Variants in FARP1 observed in about 807,000 individuals in gnomAD.
FARP1 encodes FERM, ARHGEF and pleckstrin domain-containing protein 1.
Under a neutral mutation model 128.8 loss-of-function variants are expected in FARP1, and 52 were observed. The ratio of observed to expected loss-of-function variants is 0.40; its 90% CI spans 0.32 to 0.51. The LOEUF (loss-of-function observed/expected upper bound fraction) is 0.51. Among genes scored for constraint, FARP1 ranks in the 20% least tolerant of loss-of-function variants. FARP1 has a pLI of 0.45. For synonymous variants in FARP1, 580 were observed against 551.8 expected, an observed-to-expected ratio of 1.05 and a Z score of -0.72; for missense variants, 1,333 against 1,367.9, an observed-to-expected ratio of 0.97 and a Z score of 0.40.
intron 5 of FARP1, among the ~76,000 whole-genome samples, chr13:98,372,175 C>T (rs1467542322): frequency 2.6e-5 from 4 of 151,034 alleles, no homozygotes; most frequent in Admixed American, 1.3e-4. Context: ...CAACCTCCGC[C>T]TCGTAGGTTC....
At chr13:98,178,550 AT>A (rs1239981801) in intron 1 of FARP1, among the ~76,000 whole-genome samples, 1 of 152,206 alleles carries the variant, frequency 6.6e-6, no homozygotes, top group East Asian at 1.9e-4. Context: ...TTGTGAAATA[AT>A]TCATTTATAT....
At chr13:98,257,751 C>T (rs772538444) in intron 2 of FARP1, among the ~76,000 whole-genome samples, 4 of 151,908 alleles carry the variant, frequency 2.6e-5, no homozygotes, top group Admixed American at 1.3e-4. Context: ...GCCTGGATGA[C>T]GGAGCAAGAC....
intron 25 of FARP1, 70 bp downstream of exon 25, chr13:98,446,275 C>T: frequency 1.0e-6 from 1 of 1,003,406 alleles, no homozygotes; most frequent in East Asian, 2.4e-5. Context: ...GGGGGCCGCC[C>T]TCCTCTGGAA....
At chr13:98,297,550 C>G (rs1391985976) in intron 2 of FARP1, among the ~76,000 whole-genome samples, 1 of 152,096 alleles carries the variant, frequency 6.6e-6, no homozygotes, top group African/African-American at 2.4e-5. Flanking sequence ...ACTGTAGGTA[C>G]GATAATTTTA....
intron 1 of FARP1, among the ~76,000 whole-genome samples, chr13:98,165,710 G>GTTTTTTTTTTTTTT (rs71111927): frequency 1.1e-4 from 8 of 74,128 alleles, no homozygotes; most frequent in Non-Finnish European, 1.4e-4. Flanking sequence ...TCCAGAAGGG[G>GTTTTTTTTTTTTTT]TTTTTTTTTT....
chr13:98,163,569 C>T (rs1210431420), intron 1 of FARP1, among the ~76,000 whole-genome samples: 3 of 151,174 alleles, frequency 2.0e-5, no homozygotes, highest in Admixed American at 6.6e-5. Flanking sequence ...TGGGATCTCA[C>T]TCTGTCACCC....
intron 2 of FARP1, among the ~76,000 whole-genome samples, chr13:98,236,873 T>C (rs1204399453): frequency 6.6e-6 from 1 of 151,960 alleles, no homozygotes; most frequent in African/African-American, 2.4e-5. Context: ...ACGCCTGTAA[T>C]CCCAGCTACT....
In FARP1 at chr13:98,314,055, G is replaced by A. The variant is rs577089756; in HGVS notation, c.172-29707G>A. Among the ~76,000 whole-genome samples the A allele has an allele frequency of 2.0e-5, 3 of 152,318 alleles. No individual in the cohort carries two copies. In the East Asian group the frequency reaches 5.8e-4, roughly 29 times the overall value. ...GTAACACGGATTGAGCTGGGTCCAA[G>A]CTCAGGCATGTAGGGAGAAGAACGT... On this transcript the variant is annotated intron_variant, in intron 2 of 26. Transcript: ENST00000319562.
At chr13:98,258,118 G>T (rs1245363093) in intron 2 of FARP1, among the ~76,000 whole-genome samples, 5 of 151,866 alleles carry the variant, frequency 3.3e-5, no homozygotes, top group Admixed American at 3.3e-4. Context: ...AGGCACCCGC[G>T]ACCGTGCCCG....
chr13:98,313,984 C>G (rs1368138411), intron 2 of FARP1, among the ~76,000 whole-genome samples: 1 of 152,188 alleles, frequency 6.6e-6, no homozygotes, highest in African/African-American at 2.4e-5. Context: ...GCTCACTCAC[C>G]GTTTGGCAGG....
chr13:98,204,859 G>T lies in FARP1; in HGVS notation c.-23-8361G>T, dbSNP rs1282879818. 3.3e-5 allele frequency among the ~76,000 whole-genome samples: 5 copies of T among 152,190 alleles called. 1 individual carries two copies. In the South Asian group the frequency reaches 1.0e-3, roughly 32 times the overall value. On this transcript the variant is annotated intron_variant, in intron 1 of 26. Transcript: ENST00000319562. ...GCTACTTGGGAGGCTGAGGCAGGAGGATCGCTTGAGCCCAGGAGCTCGAGG... is the reference window on the plus strand; with the variant it reads ...GCTACTTGGGAGGCTGAGGCAGGAGTATCGCTTGAGCCCAGGAGCTCGAGG...
At chr13:98,366,454 C>T (rs1419923211) in intron 4 of FARP1, among the ~76,000 whole-genome samples, 2 of 152,170 alleles carry the variant, frequency 1.3e-5, no homozygotes, top group Admixed American at 6.5e-5. Flanking sequence ...CGAAGAGAAG[C>T]CCCCCAGCCT....
intron 1 of FARP1, among the ~76,000 whole-genome samples, chr13:98,155,505 G>T (rs902806573): frequency 4.6e-5 from 7 of 152,056 alleles, no homozygotes; most frequent in African/African-American, 9.6e-5. Flanking sequence ...AACTGCTGTG[G>T]TTTTTTTAAG....
chr13:98,287,376 C>T (rs1410746378), intron 2 of FARP1, among the ~76,000 whole-genome samples: 1 of 151,554 alleles, frequency 6.6e-6, no homozygotes, highest in African/African-American at 2.4e-5. Flanking sequence ...ACTACAGGCG[C>T]CCGCCACCAC....
intron 2 of FARP1, chr13:98,333,478 C>CACACAA (rs1555338443): frequency 3.4e-5 from 5 of 148,270 alleles, no homozygotes; most frequent in Non-Finnish European, 7.4e-5. Context: ...CACACACACA[C>CACACAA]AAAATCTATC....
chr13:98,260,651 CCT>C (rs879642223), intron 2 of FARP1, among the ~76,000 whole-genome samples: 63 of 152,260 alleles, frequency 4.1e-4, no homozygotes, highest in Admixed American at 3.3e-3. Context: ...TTTTTGGTCC[CCT>C]GTTTTTAGAG....
intron 2 of FARP1, among the ~76,000 whole-genome samples, chr13:98,293,342 A>G (rs1594367544): frequency 6.6e-6 from 1 of 152,306 alleles, no homozygotes; most frequent in East Asian, 1.9e-4. Flanking sequence ...TTCTCATAGC[A>G]GAGCCATGTT....
intron 5 of FARP1, among the ~76,000 whole-genome samples, chr13:98,376,422 G>T (rs1270116136): frequency 1.3e-5 from 2 of 152,182 alleles, no homozygotes; most frequent in Non-Finnish European, 2.9e-5. Context: ...ATGACCTCCA[G>T]TTCCAATCAT....
In FARP1 at chr13:98,440,677, T is replaced by G. The variant is rs762879594; in HGVS notation, c.2637T>G (p.Pro879=). The G allele has an allele frequency of 1.2e-6, 2 of 1,612,262 alleles. No individual in the cohort carries two copies. The change falls in exon 24 of 27, where the codon CCT becomes CCG. Residue 879 remains proline, a synonymous_variant. Coordinates refer to ENST00000319562, the MANE Select transcript of FARP1 (RefSeq NM_005766.4). ...LASSPPDNKS[P]DEATAADQES... ...TTTTGCCCCATCCTGTAGAGTCCCCTGATGAAGCCACCGCGGCTGACCAGG... is the reference window on the plus strand; with the variant it reads ...TTTTGCCCCATCCTGTAGAGTCCCCGGATGAAGCCACCGCGGCTGACCAGG...
Sources: allele counts gnomAD v4.1 joint callset (sites outside exome capture counted in the v4.1 genomes callset), GRCh38; gene constraint gnomAD v4.1.1; transcripts MANE v1.5; gene names NCBI Gene and HGNC (gene_info 2026-07-23, HGNC 2026-07-21).